Variants in GRID2 observed in about 807,000 individuals in gnomAD.
GRID2 encodes glutamate receptor ionotropic, delta-2.
Under a neutral mutation model 114.8 loss-of-function variants are expected in GRID2, and 33 were observed. That is an observed-to-expected ratio of 0.29 (90% CI 0.22 to 0.38). GRID2 has a LOEUF of 0.38. Among genes scored for constraint, GRID2 ranks in the 10% least tolerant of loss-of-function variants. The pLI, the probability that GRID2 is intolerant of heterozygous loss-of-function variation, is 1.00. For missense variants in GRID2, 1,184 were observed against 1,257.7 expected (o/e 0.94, Z 0.89); for synonymous variants, 505 against 449.9 (o/e 1.12, Z -1.55).
intron 2 of GRID2, among the ~76,000 whole-genome samples, chr4:92,726,792 G>C (rs1736089846): frequency 1.3e-5 from 2 of 151,988 alleles, no homozygotes; most frequent in Non-Finnish European, 2.9e-5. Context: ...CCAGAACATT[G>C]GTTCGGCTCC....
chr4:93,567,491 TAACTG>T (rs1735541394), intron 13 of GRID2, among the ~76,000 whole-genome samples: 1 of 152,222 alleles, frequency 6.6e-6, no homozygotes, highest in Non-Finnish European at 1.5e-5. Flanking sequence ...AATAAAATGT[TAACTG>T]GTCTTAGATT....
intron 14 of GRID2, among the ~76,000 whole-genome samples, chr4:93,673,958 A>G (rs577069956): frequency 7.0e-6 from 1 of 143,610 alleles, no homozygotes; most frequent in Admixed American, 7.0e-5. Flanking sequence ...TTTCTTCTTC[A>G]CCTCCTTCTT....
intron 2 of GRID2, among the ~76,000 whole-genome samples, chr4:93,074,429 G>T (rs1729082095): frequency 6.6e-6 from 1 of 152,198 alleles, no homozygotes; most frequent in East Asian, 1.9e-4. Flanking sequence ...GGGTTAATAT[G>T]TTAGCAGGAA....
intron 2 of GRID2, among the ~76,000 whole-genome samples, chr4:92,931,844 A>C (rs977160305): frequency 2.6e-5 from 4 of 151,244 alleles, no homozygotes; most frequent in African/African-American, 9.7e-5. Flanking sequence ...GTTTTTTGAC[A>C]AAAACACTCA....
chr4:93,301,185 T>C (rs1428550339), intron 8 of GRID2, among the ~76,000 whole-genome samples: 1 of 152,222 alleles, frequency 6.6e-6, no homozygotes, highest in Non-Finnish European at 1.5e-5. Context: ...CATTTTATAA[T>C]AGGAAACAAA....
intron 2 of GRID2, among the ~76,000 whole-genome samples, chr4:92,759,982 A>G (rs1737912204): frequency 6.6e-6 from 1 of 151,556 alleles, no homozygotes; most frequent in Non-Finnish European, 1.5e-5. Flanking sequence ...CGCCTTCGAT[A>G]ATGGTAGTTT....
chr4:92,365,335 T>A (rs762883937), intron 1 of GRID2, among the ~76,000 whole-genome samples: 3 of 152,076 alleles, frequency 2.0e-5, no homozygotes, highest in Admixed American at 2.0e-4. Context: ...TGGGATGGCA[T>A]GGATGAATCT....
At chr4:92,750,388 C>T (rs1025665302) in intron 2 of GRID2, among the ~76,000 whole-genome samples, 3 of 152,022 alleles carry the variant, frequency 2.0e-5, no homozygotes, top group South Asian at 2.1e-4. Flanking sequence ...CCCTTAGGAT[C>T]GATAATTAAT....
At chr4:93,423,424 T>C (rs1206372993) in intron 10 of GRID2, among the ~76,000 whole-genome samples, 1 of 127,950 alleles carries the variant, frequency 7.8e-6, no homozygotes, top group Non-Finnish European at 1.6e-5. Flanking sequence ...CTCGGCTCAC[T>C]GCAAGCTCCG....
chr4:92,483,279 A>G lies in GRID2; in HGVS notation c.89-106852A>G, dbSNP rs1263964363. Among the ~76,000 whole-genome samples, 9 of 152,272 alleles carry G rather than the reference A, an allele frequency of 5.9e-5. No homozygotes were observed. The East Asian group carries it at 1.2e-3, about 20-fold the overall frequency. ...CTTGAATCTGAGAGGCAGAGGTTGC[A>G]GTGAGCCAAGGTCGTGCCACTGCAC... On this transcript the variant is annotated intron_variant, in intron 1 of 15. Coordinates refer to ENST00000282020, the MANE Select transcript of GRID2 (RefSeq NM_001510.4).
At chr4:92,614,783 C>T (rs1729927627) in intron 2 of GRID2, among the ~76,000 whole-genome samples, 2 of 151,704 alleles carry the variant, frequency 1.3e-5, no homozygotes, top group African/African-American at 4.8e-5. Flanking sequence ...TAACTGAAAG[C>T]AAGTATTAAA....
chr4:93,323,510 G>C (rs1757475942), intron 8 of GRID2, among the ~76,000 whole-genome samples: 1 of 152,246 alleles, frequency 6.6e-6, no homozygotes, highest in African/African-American at 2.4e-5. Context: ...GTTTGAATTA[G>C]GATTGTCTTG....
downstream of GRID2, among the ~76,000 whole-genome samples, chr4:93,778,393 C>CTTTTT (rs36000401): frequency 3.5e-4 from 35 of 98,594 alleles, 1 homozygote; most frequent in Non-Finnish European, 3.9e-4. Flanking sequence ...TCTCATTTGG[C>CTTTTT]TTTTTTTTTT....
At chr4:92,536,720 T>C (rs1237834968) in intron 1 of GRID2, among the ~76,000 whole-genome samples, 7 of 152,208 alleles carry the variant, frequency 4.6e-5, no homozygotes, top group African/African-American at 1.7e-4. Flanking sequence ...TTTTCTCTTA[T>C]ATGCCTCTTG....
chr4:93,549,475 G>A (rs551851626), intron 13 of GRID2, among the ~76,000 whole-genome samples: 3 of 152,266 alleles, frequency 2.0e-5, no homozygotes, highest in East Asian at 3.9e-4. Context: ...TATCGAGGTC[G>A]TGTGTTTGAA....
intron 2 of GRID2, among the ~76,000 whole-genome samples, chr4:92,839,006 T>G (rs1017998299): frequency 1.3e-5 from 2 of 152,140 alleles, no homozygotes; most frequent in Non-Finnish European, 2.9e-5. Flanking sequence ...TTTCCTTTTC[T>G]ACTGATTAAC....
intron 1 of GRID2, among the ~76,000 whole-genome samples, chr4:92,475,354 G>T (rs1722253252): frequency 6.6e-6 from 1 of 151,298 alleles, no homozygotes; most frequent in Non-Finnish European, 1.5e-5. Context: ...TGTATATGAT[G>T]TGAAGTAAGG....
intron 9 of GRID2, among the ~76,000 whole-genome samples, chr4:93,406,196 A>C (rs1766396937): frequency 6.6e-6 from 1 of 152,174 alleles, no homozygotes; most frequent in Non-Finnish European, 1.5e-5. Context: ...TATAAAACTG[A>C]GCCAAGTATG....
intron 2 of GRID2, among the ~76,000 whole-genome samples, chr4:92,845,896 C>T (rs1743282446): frequency 6.6e-6 from 1 of 152,076 alleles, no homozygotes; most frequent in Non-Finnish European, 1.5e-5. Context: ...TCGACAATGT[C>T]TCTTCCATTT....
Sources: allele counts gnomAD v4.1 joint callset (sites outside exome capture counted in the v4.1 genomes callset), GRCh38; gene constraint gnomAD v4.1.1; transcripts MANE v1.5; gene names NCBI Gene and HGNC (gene_info 2026-07-23, HGNC 2026-07-21).